SRGAP3: variants seen among roughly 807,000 people sequenced by gnomAD.
SRGAP3 encodes the protein SLIT-ROBO Rho GTPase-activating protein 3.
SRGAP3 carries 39 observed loss-of-function variants against 121.1 expected under a neutral mutation model. The ratio of observed to expected loss-of-function variants is 0.32; its 90% CI spans 0.25 to 0.42. SRGAP3 has a LOEUF of 0.42. SRGAP3 is among the 10% of genes least tolerant of loss of function. The probability of loss-of-function intolerance (pLI) is 1.00; values close to 1 mark genes in which losing one functional copy is unlikely to be tolerated. For synonymous variants in SRGAP3, 601 were observed against 570.0 expected, an observed-to-expected ratio of 1.05 and a Z score of -0.77; for missense variants, 1,213 against 1,470.6, an observed-to-expected ratio of 0.82 and a Z score of 2.86.
At chr3:9,036,508 C>T (rs1231481246) in intron 11 of SRGAP3, 1 of 152,172 alleles carries the variant, frequency 6.6e-6, no homozygotes, top group Non-Finnish European at 1.5e-5. Context: ...ATTTCCCAGG[C>T]CCTAGGTCAA....
At chr3:9,207,895 G>A (rs1444608708) in intron 1 of SRGAP3, among the ~76,000 whole-genome samples, 1 of 152,182 alleles carries the variant, frequency 6.6e-6, no homozygotes, top group African/African-American at 2.4e-5. Context: ...CAACACATGA[G>A]GGATATTGTT....
chr3:9,050,790 A>G (rs750360807), intron 9 of SRGAP3, among the ~76,000 whole-genome samples: 1 of 152,214 alleles, frequency 6.6e-6, no homozygotes, highest in Non-Finnish European at 1.5e-5. Context: ...CGTAGGCTCC[A>G]TGGAAGTGGT....
intron 15 of SRGAP3, among the ~76,000 whole-genome samples, 175 bp downstream of exon 15, chr3:9,015,422 T>C (rs1169345897): frequency 6.6e-6 from 1 of 152,184 alleles, no homozygotes; most frequent in African/African-American, 2.4e-5. Flanking sequence ...ACATGCCCAT[T>C]AGCCCTTTCA....
intron 1 of SRGAP3, among the ~76,000 whole-genome samples, chr3:9,341,265 G>C (rs182586437): frequency 6.7e-6 from 1 of 149,624 alleles, no homozygotes; most frequent in African/African-American, 2.6e-5. Flanking sequence ...AGAGAGAGCA[G>C]CACGATGTGG....
chr3:9,071,336 G>C (rs1269886400), intron 4 of SRGAP3, among the ~76,000 whole-genome samples: 1 of 152,084 alleles, frequency 6.6e-6, no homozygotes, highest in Non-Finnish European at 1.5e-5. Context: ...CGTGGTTCAT[G>C]GGAGTTTGAC....
chr3:9,013,616 T>C (rs1943481610), intron 16 of SRGAP3, 81 bp from the exon 17 acceptor site: 2 of 1,564,516 alleles, frequency 1.3e-6, no homozygotes, highest in East Asian at 4.5e-5. Flanking sequence ...GGGGACCCTA[T>C]TCAAATCCAG....
At chr3:9,271,021 A>C (rs1954465927) in intron 3 of SRGAP3, among the ~76,000 whole-genome samples, 2 of 152,072 alleles carry the variant, frequency 1.3e-5, no homozygotes, top group African/African-American at 4.8e-5. Context: ...TAAGGCTCAC[A>C]CTCCCTCAAA....
chr3:9,298,543 T>A (rs1449346366), intron 3 of SRGAP3, among the ~76,000 whole-genome samples: 1 of 149,168 alleles, frequency 6.7e-6, no homozygotes, highest in East Asian at 1.9e-4. Flanking sequence ...ATGCCCCTCC[T>A]TCTACCAGAA....
At chr3:9,122,679 A>C (rs568083146) in intron 2 of SRGAP3, among the ~76,000 whole-genome samples, 18 of 150,106 alleles carry the variant, frequency 1.2e-4, no homozygotes, top group African/African-American at 4.4e-4. Flanking sequence ...ACTGCATTCC[A>C]GCCTGGGTGG....
intron 1 of SRGAP3, among the ~76,000 whole-genome samples, chr3:9,164,551 A>C (rs1950717910): frequency 6.6e-6 from 1 of 152,028 alleles, no homozygotes; most frequent in Non-Finnish European, 1.5e-5. Flanking sequence ...CAGCCTCCCA[A>C]AGTGCTGGGA....
Position 9,072,957 on chromosome 3 carries a change from G to A in SRGAP3, c.486+7068C>T, listed in dbSNP as rs567910952. Among the ~76,000 whole-genome samples the A allele has an allele frequency of 2.6e-4, 40 of 152,276 alleles. 2 individuals are homozygous for A. In the South Asian group the frequency reaches 7.9e-3, roughly 30 times the overall value. On this transcript the variant is annotated intron_variant, in intron 4 of 21. Transcript: ENST00000383836. ...ATTACATCAGGAGGAAAAAACAGTCGTGCCCACACATCTTCAAAGCTTCTC... is the reference window on the plus strand; with the variant it reads ...ATTACATCAGGAGGAAAAAACAGTCATGCCCACACATCTTCAAAGCTTCTC...
chr3:8,994,917 T>G (rs1559865092), intron 18 of SRGAP3, among the ~76,000 whole-genome samples: 2 of 152,180 alleles, frequency 1.3e-5, no homozygotes, highest in Non-Finnish European at 2.9e-5. Context: ...TTATAATACT[T>G]TTAGTAATTT....
At chr3:9,306,030 T>A (rs1170081376) in intron 3 of SRGAP3, among the ~76,000 whole-genome samples, 1 of 152,232 alleles carries the variant, frequency 6.6e-6, no homozygotes, top group Middle Eastern at 3.2e-3. Context: ...CCACCAACAA[T>A]GTAAAAGTGT....
chr3:9,136,399 C>G (rs1419862112), intron 1 of SRGAP3, among the ~76,000 whole-genome samples: 1 of 64,056 alleles, frequency 1.6e-5, no homozygotes, highest in Non-Finnish European at 3.4e-5. Context: ...CTGGGACCCC[C>G]CCCCCCCCCG....
At chr3:9,217,961 A>G (rs775873290) in intron 1 of SRGAP3, 2 of 152,208 alleles carry the variant, frequency 1.3e-5, no homozygotes, top group Non-Finnish European at 2.9e-5. Flanking sequence ...CAGGGGGTAC[A>G]CTACAGCTTC....
chr3:9,088,163 T>C (rs1353728949), intron 3 of SRGAP3, among the ~76,000 whole-genome samples: 1 of 152,152 alleles, frequency 6.6e-6, no homozygotes, highest in South Asian at 2.1e-4. Flanking sequence ...TAAGTGATAA[T>C]GTATTCGCTC....
chr3:9,297,741 C>A (rs1395045701), intron 3 of SRGAP3, among the ~76,000 whole-genome samples: 1 of 151,972 alleles, frequency 6.6e-6, no homozygotes, highest in African/African-American at 2.4e-5. Context: ...ACTAAAAATG[C>A]AAAAATTAGC....
intron 15 of SRGAP3, 63 bp from the exon 16 acceptor site, chr3:9,013,905 C>G (rs899090396): frequency 2.7e-6 from 4 of 1,497,622 alleles, no homozygotes; most frequent in Non-Finnish European, 3.7e-6. Flanking sequence ...AACAAACATT[C>G]GCTCGCCACA....
intron 1 of SRGAP3, among the ~76,000 whole-genome samples, chr3:9,141,522 GAGAA>G (rs1560250444): frequency 6.6e-6 from 1 of 151,326 alleles, no homozygotes; most frequent in Non-Finnish European, 1.5e-5. Flanking sequence ...TTGGAAAAGA[GAGAA>G]AGAAACAAGA....
Sources: gnomAD v4.1 joint callset for allele counts (sites outside exome capture counted in the v4.1 genomes callset) on GRCh38, gnomAD v4.1.1 for gene constraint, MANE v1.5 for transcripts, NCBI Gene and HGNC (gene_info 2026-07-23, HGNC 2026-07-21) for gene names.